JPH1: variants seen among roughly 807,000 people sequenced by gnomAD.
JPH1 encodes the protein junctophilin 1.
A neutral mutation model predicts 53.6 loss-of-function variants in JPH1; 12 were observed. That is an observed-to-expected ratio of 0.22 (90% confidence interval 0.14 to 0.36). JPH1 has a LOEUF of 0.36. JPH1 is among the 10% of genes least tolerant of loss of function. JPH1 has a pLI of 1.00. For synonymous variants in JPH1, 375 were observed against 363.8 expected (o/e 1.03, Z -0.35); for missense variants, 808 against 905.5 (o/e 0.89, Z 1.38).
intron 2 of JPH1, among the ~76,000 whole-genome samples, chr8:74,263,410 G>A (rs1397704783): frequency 6.6e-6 from 1 of 152,178 alleles, no homozygotes; most frequent in Non-Finnish European, 1.5e-5. Context: ...GACCGTCCTT[G>A]TGATTTGCTT....
chr8:74,315,032 T>G lies in JPH1; in HGVS notation c.968A>C (p.Asp323Ala). 2 of 1,614,158 alleles carry G rather than the reference T, an allele frequency of 1.2e-6. No individual in the cohort carries two copies. The highest frequency in any genetic ancestry group is 1.7e-6 in the Non-Finnish European group (2 of 1,180,020). ...GTATTTTCCCTCTTCTTTGGAGCCG[T>G]CAGGAAACACGGTACAGCCATATCC... Reference protein sequence around the residue: ...RHGYGCTVFPDGSKEEGKYKN... With the variant: ...RHGYGCTVFPAGSKEEGKYKN... Residue 323 changes from aspartate (D) to alanine (A), a missense_variant, in exon 2 of 6, where the codon GAC (aspartate) becomes GCC (alanine). This residue lies in a region of JPH1 where 756 missense variants were observed against 811.9 expected (regional missense o/e 0.93). Transcript: ENST00000342232. The surrounding 1 kb of genome is among the most constrained non-coding windows in gnomAD (Gnocchi z 6.3).
At chr8:74,237,748 A>G (rs1313637337) in intron 4 of JPH1, among the ~76,000 whole-genome samples, 5 of 152,206 alleles carry the variant, frequency 3.3e-5, no homozygotes, top group African/African-American at 1.2e-4. Context: ...CCAAGGAACA[A>G]TTCAGGGAAA....
chr8:74,261,564 T>C (rs1423972762), intron 2 of JPH1, among the ~76,000 whole-genome samples: 1 of 152,186 alleles, frequency 6.6e-6, no homozygotes, highest in African/African-American at 2.4e-5. Flanking sequence ...CTTAAACAAC[T>C]GGCTGTTGGA....
intron 4 of JPH1, among the ~76,000 whole-genome samples, chr8:74,241,554 C>G (rs1805690970): frequency 6.6e-6 from 1 of 152,032 alleles, no homozygotes; most frequent in South Asian, 2.1e-4. Context: ...AAAAAATTAT[C>G]TTTTTTTCCT....
intron 3 of JPH1, among the ~76,000 whole-genome samples, chr8:74,255,783 A>G (rs924627707): frequency 6.6e-6 from 1 of 152,250 alleles, no homozygotes; most frequent in Non-Finnish European, 1.5e-5. Context: ...CAAAAAACAC[A>G]TGAAAAAATG....
intron 2 of JPH1, among the ~76,000 whole-genome samples, chr8:74,278,113 T>C (rs1302685387): frequency 2.6e-5 from 4 of 152,178 alleles, no homozygotes; most frequent in Admixed American, 2.0e-4. Context: ...TGAATTCCGA[T>C]GTGTTGTGGG....
chr8:74,320,460 G>C lies in JPH1; in HGVS notation c.379+449C>G, dbSNP rs1295484448. On this transcript the variant is annotated intron_variant, in intron 1 of 5. Transcript: ENST00000342232. The surrounding 1 kb of genome is among the most constrained non-coding windows in gnomAD (Gnocchi z 4.4). ...AACCAATCCCGGGAGCGGTCAGCAC[G>C]GACCGCCAACCTCACCCGCTCAGGG... is the stretch of plus-strand genomic sequence containing the variant. 2.6e-5 allele frequency among the ~76,000 whole-genome samples: 4 copies of C among 152,186 alleles called. No individual in the cohort carries two copies. Among genetic ancestry groups the C allele is most frequent in the Admixed American group, 2.6e-4 (4 of 15,286 alleles).
intron 2 of JPH1, among the ~76,000 whole-genome samples, chr8:74,269,411 A>T (rs1256836517): frequency 6.6e-6 from 1 of 152,222 alleles, no homozygotes; most frequent in Non-Finnish European, 1.5e-5. Flanking sequence ...TCCTTGTAGG[A>T]ACTGCTGCTC....
intron 2 of JPH1, among the ~76,000 whole-genome samples, chr8:74,308,649 G>A (rs551085514): frequency 6.6e-6 from 1 of 152,270 alleles, no homozygotes; most frequent in South Asian, 2.1e-4. Context: ...ATCTAGTTGG[G>A]GTGAGGGATA....
chr8:74,252,546 A>G (rs553448378), intron 3 of JPH1, among the ~76,000 whole-genome samples: 1 of 152,228 alleles, frequency 6.6e-6, no homozygotes, highest in East Asian at 1.9e-4. Flanking sequence ...ACATAACAAT[A>G]CTAACCTTAA....
chr8:74,252,141 C>A (rs1044045466), intron 3 of JPH1, among the ~76,000 whole-genome samples: 2 of 152,054 alleles, frequency 1.3e-5, no homozygotes, highest in Non-Finnish European at 2.9e-5. Flanking sequence ...GAAACTGGAC[C>A]CCTTCCTTAC....
At chr8:74,237,732 C>T (rs943928878) in intron 4 of JPH1, among the ~76,000 whole-genome samples, 4 of 152,204 alleles carry the variant, frequency 2.6e-5, no homozygotes, top group African/African-American at 9.6e-5. Flanking sequence ...TAGGACAAAG[C>T]CACCTCCAAG....
intron 2 of JPH1, among the ~76,000 whole-genome samples, chr8:74,276,702 T>A (rs184283389): frequency 7.9e-5 from 12 of 152,344 alleles, no homozygotes; most frequent in Admixed American, 5.9e-4. Flanking sequence ...GAACTGCACA[T>A]GCACACCTGC....
At chr8:74,284,957 TG>T (rs1393212562) in intron 2 of JPH1, among the ~76,000 whole-genome samples, 1 of 152,054 alleles carries the variant, frequency 6.6e-6, no homozygotes, top group Non-Finnish European at 1.5e-5. Flanking sequence ...CCTGAGTAGC[TG>T]GGATTACAGG....
At chr8:74,294,476 C>G (rs557793731) in intron 2 of JPH1, among the ~76,000 whole-genome samples, 29 of 152,292 alleles carry the variant, frequency 1.9e-4, no homozygotes, top group African/African-American at 7.0e-4. Context: ...CAAAGCAAGT[C>G]AAAATGAGCA....
chr8:74,274,533 C>G (rs922146303), intron 2 of JPH1, among the ~76,000 whole-genome samples: 5 of 152,136 alleles, frequency 3.3e-5, no homozygotes, highest in Non-Finnish European at 7.4e-5. Flanking sequence ...CTAAGCTGCA[C>G]CTCCCTTTTG....
chr8:74,320,851 G>A lies in JPH1; in HGVS notation c.379+58C>T, dbSNP rs947686349. 3.5e-6 allele frequency: 5 copies of A among 1,447,484 alleles called. No individual in the cohort carries two copies. The highest frequency in any genetic ancestry group is 4.5e-6 in the Non-Finnish European group (5 of 1,101,996). The allele number at this position is 1,447,484 out of a possible 1,614,324, so 89.7% of individuals were successfully genotyped here. On this transcript the variant is annotated intron_variant, in intron 1 of 5. Transcript: ENST00000342232. The surrounding 1 kb of genome is among the most constrained non-coding windows in gnomAD (Gnocchi z 4.4). ...CGTCCTCCCCGCTTCCCCGCAGCCGGGGCAGAGCCCACCGCACCAGCTCGC... is the reference window on the plus strand; with the variant it reads ...CGTCCTCCCCGCTTCCCCGCAGCCGAGGCAGAGCCCACCGCACCAGCTCGC...
chr8:74,305,705 G>A (rs1001477006), intron 2 of JPH1, among the ~76,000 whole-genome samples: 2 of 152,176 alleles, frequency 1.3e-5, no homozygotes, highest in African/African-American at 4.8e-5. Context: ...GATCTCTGCA[G>A]AACTGAATGT....
chr8:74,265,321 TA>T (rs1806503734), intron 2 of JPH1, among the ~76,000 whole-genome samples: 1 of 152,172 alleles, frequency 6.6e-6, no homozygotes, highest in Non-Finnish European at 1.5e-5. Flanking sequence ...GCTTGGAAAA[TA>T]AGTACTTATT....
Sources: allele counts gnomAD v4.1 joint callset (sites outside exome capture counted in the v4.1 genomes callset), GRCh38; gene constraint gnomAD v4.1.1; regional missense constraint gnomAD v4.1.1; non-coding constraint Gnocchi (gnomAD v3.1); transcripts MANE v1.5; gene names NCBI Gene and HGNC (gene_info 2026-07-23, HGNC 2026-07-21).